Variants in AHCYL2 observed in about 807,000 individuals in gnomAD.
AHCYL2 encodes adenosylhomocysteinase like 2, also known as S-adenosylhomocysteine hydrolase-like protein 2.
Under a neutral mutation model 81.4 loss-of-function variants are expected in AHCYL2, and 28 were observed. That is an observed-to-expected ratio of 0.34 (90% confidence interval 0.25 to 0.47). The LOEUF (loss-of-function observed/expected upper bound fraction) is 0.47, where lower values mean the gene tolerates loss of function less well. Among genes scored for constraint, AHCYL2 ranks in the 20% least tolerant of loss-of-function variants. AHCYL2 has a pLI of 1.00. For synonymous variants in AHCYL2, 272 were observed against 290.2 expected (o/e 0.94, Z 0.64); for missense variants, 551 against 785.1 (o/e 0.70, Z 3.56).
chr7:129,323,545 G>A (rs1364794306), intron 1 of AHCYL2, among the ~76,000 whole-genome samples: 5 of 152,150 alleles, frequency 3.3e-5, no homozygotes, highest in Admixed American at 6.5e-5. Flanking sequence ...GTTGGGTTGA[G>A]TGTTCTATAA....
intron 1 of AHCYL2, among the ~76,000 whole-genome samples, chr7:129,311,316 T>TA: frequency 6.6e-6 from 1 of 152,206 alleles, no homozygotes; most frequent in African/African-American, 2.4e-5. Flanking sequence ...AAGAGACCTA[T>TA]TAATATGGGA....
chr7:129,381,645 A>T (rs1192861907), intron 2 of AHCYL2, among the ~76,000 whole-genome samples: 1 of 152,180 alleles, frequency 6.6e-6, no homozygotes, highest in Non-Finnish European at 1.5e-5. Context: ...GCTACTTACT[A>T]TACATAGTTA....
intron 1 of AHCYL2, among the ~76,000 whole-genome samples, chr7:129,354,616 C>G (rs543393575): frequency 2.7e-4 from 41 of 152,280 alleles, no homozygotes; most frequent in South Asian, 2.1e-3. Flanking sequence ...CTGTGGATGA[C>G]ATTGAGTAAG....
rs561135694 is a variant in AHCYL2 at position 129,426,615 on chromosome 7, T to C, written c.1829+52T>C. The C allele has an allele frequency of 2.5e-6, 4 of 1,585,874 alleles. No homozygotes were observed. Among genetic ancestry groups the C allele is most frequent in the Non-Finnish European group, 3.4e-6 (4 of 1,168,290 alleles). On this transcript the variant is annotated intron_variant, in intron 16 of 16. Transcript: ENST00000325006. This position sits in a 1 kb window ranked among gnomAD's most constrained non-coding sequence, Gnocchi z 4.3. ...GACACCTGGGCAGTGATGAGCTTCC[T>C]GCACTGGAATTGGTCTTTGCATCCC...
chr7:129,386,615 CTTT>C (rs1795216717), intron 2 of AHCYL2, among the ~76,000 whole-genome samples: 1 of 151,848 alleles, frequency 6.6e-6, no homozygotes, highest in Non-Finnish European at 1.5e-5. Flanking sequence ...AGATTTTTTT[CTTT>C]GAGTTGGTGT....
intron 1 of AHCYL2, among the ~76,000 whole-genome samples, chr7:129,329,741 G>A (rs1030251617): frequency 6.6e-6 from 1 of 152,212 alleles, no homozygotes; most frequent in Non-Finnish European, 1.5e-5. Flanking sequence ...CCTACTTTGT[G>A]TGGTTTTTGT....
At chr7:129,353,930 G>T (rs943952212) in intron 1 of AHCYL2, among the ~76,000 whole-genome samples, 26 of 151,886 alleles carry the variant, frequency 1.7e-4, no homozygotes, top group African/African-American at 6.0e-4. Flanking sequence ...AAAGCCAAAG[G>T]AAGAGAGTCT....
intron 1 of AHCYL2, among the ~76,000 whole-genome samples, chr7:129,305,986 G>A (rs1392307121): frequency 1.3e-5 from 2 of 152,166 alleles, no homozygotes; most frequent in South Asian, 4.1e-4. Flanking sequence ...TCCATTGTAT[G>A]TTGTTTCTTT....
chr7:129,278,297 A>C (rs1160682343), intron 1 of AHCYL2, among the ~76,000 whole-genome samples: 1 of 151,962 alleles, frequency 6.6e-6, no homozygotes, highest in Admixed American at 6.6e-5. Context: ...GCTGGTCTCA[A>C]ACTCCTGGGT....
chr7:129,329,715 A>G lies in AHCYL2; in HGVS notation c.364-49923A>G, dbSNP rs1798350806. On this transcript the variant is annotated intron_variant, in intron 1 of 16. Transcript: ENST00000325006. ...TTGTCTTCAGTTTCTTCATTTGTAA[A>G]ATGAATAGGATGACACCTACTTTGT... is the stretch of plus-strand genomic sequence containing the variant. Among the ~76,000 whole-genome samples the G allele has an allele frequency of 2.0e-5, 3 of 152,174 alleles. No homozygotes were observed. In the South Asian group the frequency reaches 6.2e-4, roughly 32 times the overall value.
chr7:129,416,149 T>C (rs1796837546), intron 12 of AHCYL2, among the ~76,000 whole-genome samples: 1 of 152,186 alleles, frequency 6.6e-6, no homozygotes, highest in Non-Finnish European at 1.5e-5. Context: ...TCCTCATGAC[T>C]TGTGGATTAA....
intron 1 of AHCYL2, among the ~76,000 whole-genome samples, chr7:129,274,664 G>C: frequency 6.6e-6 from 1 of 152,082 alleles, no homozygotes; most frequent in East Asian, 1.9e-4. Context: ...GCCTGTGCCC[G>C]TTGGAATCCT....
intron 1 of AHCYL2, among the ~76,000 whole-genome samples, chr7:129,330,902 C>T (rs933829659): frequency 6.6e-6 from 1 of 152,146 alleles, no homozygotes; most frequent in Non-Finnish European, 1.5e-5. Context: ...AACTTCAAAT[C>T]GTTAGTCATC....
chr7:129,342,199 TTGG>T (rs1563203809), intron 1 of AHCYL2, among the ~76,000 whole-genome samples: 1 of 152,168 alleles, frequency 6.6e-6, no homozygotes, highest in African/African-American at 2.4e-5. Context: ...CTGTTACTTG[TTGG>T]TATCATCATT....
chr7:129,335,377 A>C (rs1040028139), intron 1 of AHCYL2, among the ~76,000 whole-genome samples: 1 of 152,038 alleles, frequency 6.6e-6, no homozygotes, highest in Non-Finnish European at 1.5e-5. Context: ...CCTGTCTAAA[A>C]AAAAAAAAAA....
At chr7:129,281,110 AC>A (rs1198356548) in intron 1 of AHCYL2, among the ~76,000 whole-genome samples, 1 of 151,640 alleles carries the variant, frequency 6.6e-6, no homozygotes, top group Non-Finnish European at 1.5e-5. Context: ...TGATCTGCCC[AC>A]CTTGGCCTCC....
intron 1 of AHCYL2, among the ~76,000 whole-genome samples, chr7:129,301,510 C>G (rs1196933622): frequency 6.6e-6 from 1 of 152,090 alleles, no homozygotes. Context: ...AGATTTAAAT[C>G]TTTAATCTAT....
At chr7:129,309,607 A>G (rs1161725615) in intron 1 of AHCYL2, among the ~76,000 whole-genome samples, 1 of 152,216 alleles carries the variant, frequency 6.6e-6, no homozygotes, top group Non-Finnish European at 1.5e-5. Flanking sequence ...TTTGTCACAT[A>G]TAAATATCTT....
At position 129,405,911 on chromosome 7, in the gene AHCYL2, C is replaced by A. The variant is rs749018000; in HGVS notation, c.1206+12C>A. 1 of 1,610,072 alleles carries A rather than the reference C, an allele frequency of 6.2e-7. No individual in the cohort carries two copies. Among genetic ancestry groups the A allele is most frequent in the South Asian group, 1.1e-5 (1 of 89,976 alleles). On this transcript the variant is annotated intron_variant, in intron 9 of 16. Transcript: ENST00000325006. ...GTGGCTATGGAGAGGTGAAGTTTAACCTTTTGTTTATTAGGTGTTTTAAAT... is the reference window on the plus strand; with the variant it reads ...GTGGCTATGGAGAGGTGAAGTTTAAACTTTTGTTTATTAGGTGTTTTAAAT...
Sources: allele counts gnomAD v4.1 joint callset (sites outside exome capture counted in the v4.1 genomes callset), GRCh38; gene constraint gnomAD v4.1.1; non-coding constraint Gnocchi (gnomAD v3.1); transcripts MANE v1.5; gene names NCBI Gene and HGNC (gene_info 2026-07-23, HGNC 2026-07-21).